Variants in ZNF454 observed in about 807,000 individuals in gnomAD.
ZNF454 encodes the protein zinc finger protein 454.
A neutral mutation model predicts 48.2 loss-of-function variants in ZNF454; 30 were observed. That is an observed-to-expected ratio of 0.62 (90% CI 0.47 to 0.84). ZNF454 has a LOEUF of 0.84. Among genes scored for constraint, ZNF454 ranks in the 40% least tolerant of loss-of-function variants. The pLI is 0.00. For synonymous variants in ZNF454, 204 were observed against 211.4 expected (o/e 0.97, Z 0.30); for missense variants, 510 against 623.1 (o/e 0.82, Z 1.93).
At chr5:178,973,942 G>A in the ZNF454 span, among the ~76,000 whole-genome samples, 425 of 152,012 alleles carry the variant, frequency 2.8e-3, 2 homozygotes, top group Middle Eastern at 0.01. Flanking sequence ...CATAGGCAGA[G>A]AATGAAACCT....
At position 178,965,726 on chromosome 5, in the gene ZNF454, C is replaced by T. The variant is rs756598937; in HGVS notation, c.1322C>T (p.Thr441Ile). The T allele has an allele frequency of 6.2e-7, 1 of 1,614,096 alleles. No individual in the cohort carries two copies. The highest frequency in any genetic ancestry group is 8.5e-7 in the Non-Finnish European group (1 of 1,180,024). Residue 441 changes from threonine (T) to isoleucine (I), a missense_variant, in exon 5 of 5, where the codon ACA (threonine) becomes ATA (isoleucine). Thr to Ile is a moderately conservative substitution (Grantham distance 89). Transcript: ENST00000519564. This position sits in a 1 kb window ranked among gnomAD's most constrained non-coding sequence, Gnocchi z 5.2. Reference sequence around the variant, plus strand: ...ATTCATACTGGGGAAAAACCTTATACATGTAACATATGTGAAAAAGCCTTC... The same window carrying T: ...ATTCATACTGGGGAAAAACCTTATATATGTAACATATGTGAAAAAGCCTTC... ...QRIHTGEKPY[T>I]CNICEKAFSD...
the ZNF454 span, chr5:178,986,083 G>A: frequency 8.7e-4 from 1,364 of 1,570,588 alleles, 1 homozygote; most frequent in Middle Eastern, 1.2e-3. Context: ...GTAACGTTGC[G>A]GACAGTCCCC....
chr5:178,988,523 G>A, the ZNF454 span, among the ~76,000 whole-genome samples: 2 of 152,188 alleles, frequency 1.3e-5, no homozygotes, highest in East Asian at 3.9e-4. This position sits in a 1 kb window ranked among gnomAD's most constrained non-coding sequence, Gnocchi z 6.0. Flanking sequence ...TCAGACCCAC[G>A]CCTGTGCCTG....
downstream of ZNF454, among the ~76,000 whole-genome samples, chr5:178,968,476 T>C (rs1266927526): frequency 6.6e-6 from 1 of 152,200 alleles, no homozygotes; most frequent in Non-Finnish European, 1.5e-5. Context: ...AAGGCCACCT[T>C]TGTGGGCCAG....
At chr5:178,985,598 G>A in the ZNF454 span, 9 of 349,856 alleles carry the variant, frequency 2.6e-5, no homozygotes, top group Non-Finnish European at 4.5e-5. Context: ...AGCTACTCGG[G>A]AGGCTGAGGC....
At chr5:178,949,224 G>A (rs10069435) in intron 4 of ZNF454, among the ~76,000 whole-genome samples, 32,179 of 151,520 alleles carry the variant, frequency 0.21, 3,575 homozygotes, top group South Asian at 0.24. Flanking sequence ...CTAATTTTTT[G>A]TAGTTTTACT....
At chr5:178,985,173 T>C in the ZNF454 span, 3 of 430,704 alleles carry the variant, frequency 7.0e-6, no homozygotes, top group Admixed American at 2.5e-5. Context: ...GACTCCCTTG[T>C]GGAAACAGGA....
At chr5:178,986,378 C>T in the ZNF454 span, 16 of 1,614,050 alleles carry the variant, frequency 9.9e-6, no homozygotes, top group Admixed American at 3.3e-5. Flanking sequence ...GTGAGGAGGA[C>T]GTAGCTGAGC....
At chr5:178,959,757 C>G (rs967601348) in intron 4 of ZNF454, among the ~76,000 whole-genome samples, 4 of 152,010 alleles carry the variant, frequency 2.6e-5, no homozygotes, top group Admixed American at 6.6e-5. Flanking sequence ...AGGCGCCCAC[C>G]ACCACGCCTG....
At chr5:178,979,470 G>A in the ZNF454 span, 1 of 152,256 alleles carries the variant, frequency 6.6e-6, no homozygotes, top group Non-Finnish European at 1.5e-5. Flanking sequence ...TAGACCGAAT[G>A]TGAGAAAGCC....
the ZNF454 span, chr5:178,986,588 C>A: frequency 6.2e-7 from 1 of 1,606,030 alleles, no homozygotes; most frequent in Non-Finnish European, 8.5e-7. Flanking sequence ...GGACAGGCCT[C>A]GCATGTGAAC....
At chr5:178,981,587 A>C in the ZNF454 span, 4 of 1,248,404 alleles carry the variant, frequency 3.2e-6, no homozygotes, top group Middle Eastern at 6.7e-4. The surrounding 1 kb of genome is among the most constrained non-coding windows in gnomAD (Gnocchi z 5.1). Flanking sequence ...CCCGGGCTCT[A>C]TACAGCTTCC....
At chr5:178,966,498 G>C (rs1186558035), downstream of ZNF454, 1 of 150,286 alleles carries the variant, frequency 6.7e-6, no homozygotes, top group East Asian at 1.9e-4. Flanking sequence ...TCAAATAGCA[G>C]TACTGTTTGA....
the ZNF454 span, chr5:178,983,458 G>T: frequency 1.4e-6 from 1 of 690,698 alleles, no homozygotes; most frequent in Non-Finnish European, 2.6e-6. Context: ...CTGCGGAGAA[G>T]GGCTGTGCCG....
chr5:178,981,508 T>C, the ZNF454 span: 1 of 635,950 alleles, frequency 1.6e-6, no homozygotes, highest in Non-Finnish European at 2.8e-6. This position sits in a 1 kb window ranked among gnomAD's most constrained non-coding sequence, Gnocchi z 5.1. Flanking sequence ...CAGTTCCTTC[T>C]CAAGGCCAGC....
the ZNF454 span, chr5:178,986,174 G>T: frequency 3.1e-6 from 5 of 1,614,096 alleles, no homozygotes; most frequent in Non-Finnish European, 4.2e-6. Context: ...TGTGAGGTGG[G>T]GCTGATGAAG....
At chr5:178,968,258 G>A (rs114438360), downstream of ZNF454, among the ~76,000 whole-genome samples, 834 of 152,234 alleles carry the variant, frequency 5.5e-3, 10 homozygotes, top group African/African-American at 0.019. Flanking sequence ...TCTGGAAAGT[G>A]AAGTGGCAAG....
At chr5:178,960,481 G>A (rs1179374982) in intron 4 of ZNF454, among the ~76,000 whole-genome samples, 4 of 149,758 alleles carry the variant, frequency 2.7e-5, no homozygotes, top group African/African-American at 9.8e-5. Context: ...CGCAAACTCC[G>A]GACCTCAGGT....
In ZNF454 at chr5:178,965,813, G is replaced by A. The variant is rs775459113; in HGVS notation, c.1409G>A (p.Cys470Tyr). The A allele has an allele frequency of 1.9e-6, 3 of 1,614,076 alleles. No homozygotes were observed. The South Asian group carries it at 3.3e-5, about 18-fold the overall frequency. ...CATACTAGGGAAAAACCTTACAAAT[G>A]TAAAATCTGTGAGAAAGCCTTTATC... ...RIHTREKPYK[C>Y]KICEKAFIRS... Residue 470 changes from cysteine (C) to tyrosine (Y), a missense_variant, in exon 5 of 5, where the codon TGT (cysteine) becomes TAT (tyrosine). Cys to Tyr is a radical substitution (Grantham distance 194). Coordinates refer to ENST00000519564, the MANE Select transcript of ZNF454 (RefSeq NM_001178089.3). The surrounding 1 kb of genome is among the most constrained non-coding windows in gnomAD (Gnocchi z 5.2).
Sources: allele counts gnomAD v4.1 joint callset (sites outside exome capture counted in the v4.1 genomes callset), GRCh38; gene constraint gnomAD v4.1.1; non-coding constraint Gnocchi (gnomAD v3.1); transcripts MANE v1.5; gene names NCBI Gene and HGNC (gene_info 2026-07-23, HGNC 2026-07-21).